The following SEM1 variants were observed in gnomAD, a reference collection of about 807,000 sequenced individuals.
SEM1 encodes 26S proteasome complex subunit SEM1.
In SEM1, 3 loss-of-function variants were observed where a neutral mutation model predicts 12.7. That is an observed-to-expected ratio of 0.24 (90% CI 0.11 to 0.61). The LOEUF (loss-of-function observed/expected upper bound fraction) is 0.61. SEM1 is among the 20% of genes least tolerant of loss of function. The pLI, the probability that SEM1 is intolerant of heterozygous loss-of-function variation, is 0.88. For missense variants in SEM1, 59 were observed against 81.3 expected (o/e 0.73, Z 1.06); for synonymous variants, 30 against 27.8 (o/e 1.08, Z -0.25).
intron 2 of SEM1, among the ~76,000 whole-genome samples, chr7:96,510,694 A>G (rs559614553): frequency 6.6e-6 from 1 of 152,256 alleles, no homozygotes; most frequent in African/African-American, 2.4e-5. Flanking sequence ...ATATCAGGGA[A>G]GGTAAAATTA....
chr7:96,583,963 C>G (rs934438556), intron 2 of SEM1, among the ~76,000 whole-genome samples: 1 of 151,768 alleles, frequency 6.6e-6, no homozygotes, highest in Non-Finnish European at 1.5e-5. Context: ...GCATTTAGTC[C>G]ATTTACATTT....
upstream of SEM1, among the ~76,000 whole-genome samples, chr7:96,501,266 G>C (rs143785433): frequency 4.7e-4 from 72 of 152,232 alleles, 1 homozygote; most frequent in African/African-American, 1.6e-3. Context: ...TTGATGTTAA[G>C]TCCACTTCTC....
At chr7:96,570,389 C>T (rs1252931270) in intron 2 of SEM1, among the ~76,000 whole-genome samples, 1 of 151,946 alleles carries the variant, frequency 6.6e-6, no homozygotes, top group Non-Finnish European at 1.5e-5. Context: ...TGTTCCCCTC[C>T]CTGTGTCCAT....
intron 2 of SEM1, among the ~76,000 whole-genome samples, chr7:96,605,378 T>A (rs1357305505): frequency 1.3e-5 from 2 of 152,162 alleles, no homozygotes; most frequent in Non-Finnish European, 2.9e-5. Context: ...AGGAAAATCA[T>A]ATAAAAGCAT....
chr7:96,682,646 G>A (rs1051895636), intron 2 of SEM1, among the ~76,000 whole-genome samples: 1 of 151,902 alleles, frequency 6.6e-6, no homozygotes, highest in Admixed American at 6.6e-5. Context: ...CCAAAGAAAT[G>A]GCAACAAAAG....
chr7:96,641,497 C>T (rs925201828), intron 2 of SEM1, among the ~76,000 whole-genome samples: 1 of 151,926 alleles, frequency 6.6e-6, no homozygotes, highest in African/African-American at 2.4e-5. Flanking sequence ...TCCCTGAGCA[C>T]AAGAATATAC....
Position 96,541,418 on chromosome 7 carries a change from C to T in SEM1, c.171-34720G>A, listed in dbSNP as rs183366586. ...AGAAGTGTCTGATCATGTCTTTTCC[C>T]ACTTTTTAATGGGTTTTTTTTTTTG... On this transcript the variant is annotated intron_variant and NMD_transcript_variant, in intron 2 of 3. Transcript: ENST00000466986. Among the ~76,000 whole-genome samples, 39 of 142,338 alleles carry T rather than the reference C, an allele frequency of 2.7e-4. No homozygotes were observed. In the East Asian group the frequency reaches 6.7e-3, roughly 24 times the overall value. 93.4% of individuals were successfully genotyped at this position (142,338 alleles called of 152,430 possible). A position where few individuals can be genotyped will look rare whatever the true frequency, so the allele number is the denominator to read the frequency against.
chr7:96,682,086 G>C (rs1789630456), intron 2 of SEM1, among the ~76,000 whole-genome samples: 1 of 152,026 alleles, frequency 6.6e-6, no homozygotes, highest in African/African-American at 2.4e-5. Flanking sequence ...AGTTCTCCTT[G>C]AAGAGGTCCT....
Position 96,606,713 on chromosome 7 carries a change from T to C in SEM1, c.170+88085A>G, listed in dbSNP as rs371127257. Among the ~76,000 whole-genome samples the C allele has an allele frequency of 5.9e-5, 9 of 152,356 alleles. No homozygotes were observed. In the East Asian group the frequency reaches 1.2e-3, roughly 20 times the overall value. Reference sequence around the variant, plus strand: ...CATAACTCTTGGGCATAAAGTAGGCTACATTCAACAACTCCTTCAGGTTCT... The same window carrying C: ...CATAACTCTTGGGCATAAAGTAGGCCACATTCAACAACTCCTTCAGGTTCT... On this transcript the variant is annotated intron_variant and NMD_transcript_variant, in intron 2 of 3. Transcript: ENST00000466986.
chr7:96,591,262 T>G (rs1454914459), intron 2 of SEM1, among the ~76,000 whole-genome samples: 1 of 152,074 alleles, frequency 6.6e-6, no homozygotes, highest in Non-Finnish European at 1.5e-5. Context: ...GAACAGCAAA[T>G]CTCTTCAGCA....
At chr7:96,567,033 G>C (rs1805860670) in intron 2 of SEM1, among the ~76,000 whole-genome samples, 1 of 151,442 alleles carries the variant, frequency 6.6e-6, no homozygotes, top group Non-Finnish European at 1.5e-5. Flanking sequence ...AATTAATATA[G>C]CATTTAGTAC....
intron 2 of SEM1, among the ~76,000 whole-genome samples, chr7:96,680,679 A>G (rs956386961): frequency 2.0e-5 from 3 of 152,124 alleles, no homozygotes; most frequent in Admixed American, 6.6e-5. Context: ...CTTCAATTTC[A>G]TGACAGCTAA....
At chr7:96,600,848 G>A (rs563444030) in intron 2 of SEM1, among the ~76,000 whole-genome samples, 1 of 152,258 alleles carries the variant, frequency 6.6e-6, no homozygotes, top group Non-Finnish European at 1.5e-5. Context: ...TTGTTTTCTG[G>A]ATGGAGCAAG....
chr7:96,496,174 T>A (rs957361725), intron 1 of SEM1: 1 of 648,986 alleles, frequency 1.5e-6, no homozygotes, highest in Non-Finnish European at 2.6e-6. Flanking sequence ...TCATTTTAAC[T>A]CGTTAGATAG....
intron 2 of SEM1, chr7:96,646,019 G>A (rs1040383156): frequency 2.5e-6 from 1 of 396,484 alleles, no homozygotes; most frequent in Non-Finnish European, 4.4e-6. Context: ...GATTCATCAT[G>A]TCTTTCCCAT....
chr7:96,707,385 G>C (rs1357705785), intron 1 of SEM1, among the ~76,000 whole-genome samples: 1 of 152,164 alleles, frequency 6.6e-6, no homozygotes, highest in Non-Finnish European at 1.5e-5. Flanking sequence ...CTTGTGGGAT[G>C]ATTTTCTCAC....
exon 3 of SEM1, chr7:96,673,570 C>G (rs1789377418): frequency 1.7e-6 from 1 of 601,142 alleles, no homozygotes; most frequent in Non-Finnish European, 3.0e-6. Flanking sequence ...CATAATCCTA[C>G]CTTGCCCAGG....
At chr7:96,709,437 G>C (rs1430314018) in intron 1 of SEM1, among the ~76,000 whole-genome samples, 3 of 152,198 alleles carry the variant, frequency 2.0e-5, no homozygotes, top group African/African-American at 7.2e-5. Context: ...GGGGCTATGG[G>C]TCCAGACTCA....
intron 2 of SEM1, chr7:96,484,889 G>A: frequency 5.5e-6 from 7 of 1,266,014 alleles, no homozygotes; most frequent in Non-Finnish European, 7.2e-6. Context: ...CAAGTCTCTG[G>A]AATCCAACTT....
Sources: allele counts gnomAD v4.1 joint callset (sites outside exome capture counted in the v4.1 genomes callset), GRCh38; gene constraint gnomAD v4.1.1; transcripts MANE v1.5; gene names NCBI Gene and HGNC (gene_info 2026-07-23, HGNC 2026-07-21).